COL5A1: variants seen among roughly 807,000 people sequenced by gnomAD.
COL5A1 encodes the protein collagen type V alpha 1 chain.
Under a neutral mutation model 263.7 loss-of-function variants are expected in COL5A1, and 16 were observed. The observed-to-expected ratio is 0.06, with a 90% CI of 0.04 to 0.09. The LOEUF (loss-of-function observed/expected upper bound fraction) is 0.09. COL5A1 is among the 10% of genes least tolerant of loss of function. The probability of loss-of-function intolerance (pLI) is 1.00; values close to 1 mark genes in which losing one functional copy is unlikely to be tolerated. For synonymous variants in COL5A1, 1,012 were observed against 1,004.5 expected (o/e 1.01, Z -0.14); for missense variants, 2,036 against 2,540.5 (o/e 0.80, Z 4.27).
Position 134,741,371 on chromosome 9 carries a change from A to G in COL5A1, c.1494+2563A>G, listed in dbSNP as rs1488493600. On this transcript the variant is annotated intron_variant, in intron 11 of 65. Transcript: ENST00000371817. The surrounding 1 kb of genome is among the most constrained non-coding windows in gnomAD (Gnocchi z 4.5). Reference sequence around the variant, plus strand: ...AAAAAAAGTGCTTGGGTTCGGGAGCATATATACCATTTTAACAAGCAGCAA... The same window carrying G: ...AAAAAAAGTGCTTGGGTTCGGGAGCGTATATACCATTTTAACAAGCAGCAA... 1.3e-5 allele frequency among the ~76,000 whole-genome samples: 2 copies of G among 152,354 alleles called. No individual in the cohort carries two copies. Among genetic ancestry groups the G allele is most frequent in the Non-Finnish European group, 1.5e-5 (1 of 68,032 alleles).
chr9:134,801,996 G>A lies in COL5A1; in HGVS notation c.2995G>A (p.Val999Ile), dbSNP rs1387135849. 9 of 1,613,412 alleles carry A rather than the reference G, an allele frequency of 5.6e-6. No individual in the cohort carries two copies. Among genetic ancestry groups the A allele is most frequent in the Non-Finnish European group, 7.6e-6 (9 of 1,180,018 alleles). Reference sequence around the variant, plus strand: ...CGGCCCTCCAGGCCCCCCCGGCGTGGTCGGCCCTCAGGTAAGCTCCAGCCT... The same window carrying A: ...CGGCCCTCCAGGCCCCCCCGGCGTGATCGGCCCTCAGGTAAGCTCCAGCCT... ...KTGPPGPPGV[V>I]GPQGPTGETG... Residue 999 changes from valine (V) to isoleucine (I), a missense_variant, in exon 38 of 66, where the codon GTC becomes ATC. By Grantham distance (29) the Val-to-Ile change is conservative. Around this residue, in one of 3 missense-constraint regions of COL5A1, gnomAD observed 1,078 missense variants for 1,521.4 expected, o/e 0.71. Coordinates refer to ENST00000371817, the MANE Select transcript of COL5A1 (RefSeq NM_000093.5).
chr9:134,704,098 A>G (rs1588453098), intron 4 of COL5A1, among the ~76,000 whole-genome samples: 1 of 152,258 alleles, frequency 6.6e-6, no homozygotes, highest in South Asian at 2.1e-4. Context: ...ATTCTAACTG[A>G]GCAGGAAAAG....
At chr9:134,715,590 G>A (rs1402099218) in intron 4 of COL5A1, among the ~76,000 whole-genome samples, 1 of 152,168 alleles carries the variant, frequency 6.6e-6, no homozygotes, top group African/African-American at 2.4e-5. Flanking sequence ...AGGTCCCCGC[G>A]GCCTTCTGCA....
intron 11 of COL5A1, among the ~76,000 whole-genome samples, chr9:134,740,660 A>T (rs891813631): frequency 1.3e-5 from 2 of 152,038 alleles, no homozygotes; most frequent in Non-Finnish European, 2.9e-5. Context: ...TAGCCTGGGG[A>T]TCTCAATGGT....
rs573795393 is a variant in COL5A1 at position 134,647,807 on chromosome 9, C to T, written c.109+5511C>T. ...TTTACATTCTCCCATATAATTGACT[C>T]GTCTGCTCTCTCTCAGTGCTTTGCC... is the stretch of plus-strand genomic sequence containing the variant. On this transcript the variant is annotated intron_variant, in intron 1 of 65. Coordinates refer to ENST00000371817, the MANE Select transcript of COL5A1 (RefSeq NM_000093.5). This position sits in a 1 kb window ranked among gnomAD's most constrained non-coding sequence, Gnocchi z 5.0. 2.0e-3 allele frequency among the ~76,000 whole-genome samples: 312 copies of T among 152,312 alleles called. No individual in the cohort carries two copies. The highest frequency in any genetic ancestry group is 3.6e-3 in the Non-Finnish European group (247 of 68,034).
intron 1 of COL5A1, among the ~76,000 whole-genome samples, chr9:134,649,102 G>T (rs1160652363): frequency 2.0e-5 from 3 of 152,088 alleles, no homozygotes; most frequent in African/African-American, 7.2e-5. Flanking sequence ...CGGGGTGTGG[G>T]GGGGGCTTTG....
rs532705323 is a variant in COL5A1, at chr9:134,665,592, C to T, written c.109+23296C>T. On this transcript the variant is annotated intron_variant, in intron 1 of 65. Transcript: ENST00000371817. ...ACGGCTGGGTGCACAGGCTGCAGGT[C>T]TCTCCTGAATCTTTTGAAAGGGGTT... Among the ~76,000 whole-genome samples the T allele has an allele frequency of 1.6e-4, 25 of 152,280 alleles. No homozygotes were observed. In the South Asian group the frequency reaches 5.2e-3, roughly 32 times the overall value.
rs1405982423 is a variant in COL5A1 at position 134,716,958 on chromosome 9, C to T, written c.655-10308C>T. On this transcript the variant is annotated intron_variant, in intron 4 of 65. Transcript: ENST00000371817. This position sits in a 1 kb window ranked among gnomAD's most constrained non-coding sequence, Gnocchi z 4.5. Reference sequence around the variant, plus strand: ...CGACGACATGAAAATATTTCTCTGACACTCTCGTTAATAGTGTGAAACTCG... The same window carrying T: ...CGACGACATGAAAATATTTCTCTGATACTCTCGTTAATAGTGTGAAACTCG... 6.6e-6 allele frequency among the ~76,000 whole-genome samples: 1 copy of T among 152,142 alleles called. No homozygotes were observed. Among genetic ancestry groups the T allele is most frequent in the Admixed American group, 6.5e-5 (1 of 15,274 alleles).
intron 42 of COL5A1, among the ~76,000 whole-genome samples, chr9:134,808,806 C>T (rs1838400692): frequency 6.6e-6 from 1 of 152,230 alleles, no homozygotes; most frequent in South Asian, 2.1e-4. Flanking sequence ...GGAGCTCAGG[C>T]TATCCTGGTG....
chr9:134,657,765 C>T (rs1832066183), intron 1 of COL5A1, among the ~76,000 whole-genome samples: 1 of 150,498 alleles, frequency 6.6e-6, no homozygotes, highest in Non-Finnish European at 1.5e-5. Flanking sequence ...CGGGGAAGGG[C>T]AGGGGGTGGG....
chr9:134,823,464 C>G lies in COL5A1; in HGVS notation c.4693C>G (p.Pro1565Ala). The part of the protein sequence containing the change: ...GEAGHPGPPG[P>A]PGPPGEVIQP... The stretch of plus-strand genomic sequence containing the variant: ...GGCAGGCCACCCAGGACCCCCAGGC[C>G]CCCCGGTAAGTAGCCCTTGAAGCCC... Residue 1565 changes from proline (P) to alanine (A), a missense_variant, in exon 61 of 66, where the codon CCC becomes GCC. This residue lies in a region of COL5A1 where 358 missense variants were observed against 384.6 expected (regional missense o/e 0.93). Transcript: ENST00000371817. The G allele has an allele frequency of 6.2e-7, 1 of 1,614,174 alleles. No individual in the cohort carries two copies. The highest frequency in any genetic ancestry group is 8.5e-7 in the Non-Finnish European group (1 of 1,180,002).
chr9:134,760,532 ACT>A (rs1360687295), intron 18 of COL5A1, among the ~76,000 whole-genome samples: 2 of 91,330 alleles, frequency 2.2e-5, no homozygotes, highest in African/African-American at 9.1e-5. Context: ...ACACCCCCAC[ACT>A]CATACACCCA....
chr9:134,759,458 T>TACAC (rs1564437905), intron 18 of COL5A1, among the ~76,000 whole-genome samples: 5 of 49,022 alleles, frequency 1.0e-4, no homozygotes, highest in African/African-American at 6.5e-4. Context: ...CACACACTCA[T>TACAC]ACATGCACGC....
intron 11 of COL5A1, among the ~76,000 whole-genome samples, chr9:134,747,259 A>C (rs1186209275): frequency 2.6e-5 from 4 of 152,194 alleles, no homozygotes; most frequent in African/African-American, 7.2e-5. Flanking sequence ...ATCAGAGGGA[A>C]GTTGCTTTCA....
At chr9:134,775,192 C>G (rs966830486) in intron 27 of COL5A1, among the ~76,000 whole-genome samples, 2 of 152,382 alleles carry the variant, frequency 1.3e-5, no homozygotes, top group Middle Eastern at 3.4e-3. Context: ...GGCCATCTGT[C>G]AGGACGGGAC....
At chr9:134,747,818 C>T (rs891578326) in intron 11 of COL5A1, among the ~76,000 whole-genome samples, 3 of 114,988 alleles carry the variant, frequency 2.6e-5, no homozygotes, top group Non-Finnish European at 5.4e-5. Flanking sequence ...CACATGCACA[C>T]ATGCGTTCAT....
chr9:134,701,701 A>C (rs1833682665), intron 4 of COL5A1, among the ~76,000 whole-genome samples: 1 of 152,060 alleles, frequency 6.6e-6, no homozygotes, highest in Non-Finnish European at 1.5e-5. Context: ...CCATCCTGGG[A>C]CAGGGGCAGC....
intron 64 of COL5A1, among the ~76,000 whole-genome samples, chr9:134,833,788 G>C (rs2132921552): frequency 6.6e-6 from 1 of 152,306 alleles, no homozygotes; most frequent in African/African-American, 2.4e-5. Context: ...GTACATCCTG[G>C]GCACCCAGCA....
chr9:134,675,621 T>C (rs1832663674), intron 1 of COL5A1, among the ~76,000 whole-genome samples: 1 of 152,254 alleles, frequency 6.6e-6, no homozygotes, highest in African/African-American at 2.4e-5. Context: ...ATCTGCGTTT[T>C]GAGCACGGTT....
Sources: allele counts gnomAD v4.1 joint callset (sites outside exome capture counted in the v4.1 genomes callset), GRCh38; gene constraint gnomAD v4.1.1; regional missense constraint gnomAD v4.1.1; non-coding constraint Gnocchi (gnomAD v3.1); transcripts MANE v1.5; gene names NCBI Gene and HGNC (gene_info 2026-07-23, HGNC 2026-07-21).